Variants in GLYAT observed in about 807,000 individuals in gnomAD.
GLYAT encodes glycine N-acyltransferase.
A neutral mutation model predicts 22.8 loss-of-function variants in GLYAT; 25 were observed. The observed-to-expected ratio is 1.09, with a 90% CI of 0.80 to 1.53. The LOEUF is 1.53. GLYAT is among the 40% of genes most tolerant of loss of function. The probability of loss-of-function intolerance (pLI) is 0.00; values close to 1 mark genes in which losing one functional copy is unlikely to be tolerated. For missense variants in GLYAT, 411 were observed against 353.9 expected (o/e 1.16, Z -1.29); for synonymous variants, 140 against 122.7 (o/e 1.14, Z -0.93).
At chr11:58,716,066 A>G (rs1385589416) in intron 2 of GLYAT, among the ~76,000 whole-genome samples, 4 of 152,138 alleles carry the variant, frequency 2.6e-5, no homozygotes, top group African/African-American at 9.7e-5. Flanking sequence ...TGCTCAAGAG[A>G]ATAAGCTTGG....
At chr11:58,710,370 C>G (rs1856598695) in intron 5 of GLYAT, 1 of 882,482 alleles carries the variant, frequency 1.1e-6, no homozygotes. Flanking sequence ...AATAAAGGTC[C>G]AAGTGGTAGC....
rs1856574634 is a variant in GLYAT, at chr11:58,708,966, C to A, written c.*800G>T. The A allele has an allele frequency of 2.6e-5, 4 of 152,104 alleles. No individual in the cohort carries two copies. The allele number at this position is 152,104 out of a possible 1,614,324, so 9.4% of individuals were successfully genotyped here. ...TCTCTCCTCAATAAACCATCACATCCCTGGGTCAAGGTGCTCCCACCTTCA... is the reference window on the plus strand; with the variant it reads ...TCTCTCCTCAATAAACCATCACATCACTGGGTCAAGGTGCTCCCACCTTCA... On this transcript the variant is annotated 3_prime_UTR_variant, in exon 6 of 6. Coordinates refer to ENST00000344743, the MANE Select transcript of GLYAT (RefSeq NM_201648.3).
chr11:58,717,356 CA>C (rs1007200503), intron 2 of GLYAT, among the ~76,000 whole-genome samples: 1 of 151,894 alleles, frequency 6.6e-6, no homozygotes, highest in Non-Finnish European at 1.5e-5. Context: ...CAACAACAAA[CA>C]AAAGAACAAT....
intron 2 of GLYAT, among the ~76,000 whole-genome samples, chr11:58,717,372 G>A (rs1337925313): frequency 6.6e-6 from 1 of 151,952 alleles, no homozygotes; most frequent in Non-Finnish European, 1.5e-5. Context: ...AACAATCCTG[G>A]AAAAATAGAT....
chr11:58,715,966 T>C (rs1053759531), intron 2 of GLYAT, among the ~76,000 whole-genome samples: 2 of 152,154 alleles, frequency 1.3e-5, no homozygotes, highest in South Asian at 4.1e-4. Context: ...AAAGGCTATA[T>C]ACATGTTTAA....
rs982346948 is a variant in GLYAT at position 58,731,832 on chromosome 11, C to T, written c.-16+3G>A. 3.9e-5 allele frequency: 6 copies of T among 152,108 alleles called. No individual in the cohort carries two copies. Among genetic ancestry groups the T allele is most frequent in the African/African-American group, 1.2e-4 (5 of 41,420 alleles). 9.4% of individuals were successfully genotyped at this position (152,108 alleles called of 1,614,324 possible). On this transcript the variant is annotated splice_donor_region_variant and intron_variant, in intron 1 of 5. Coordinates refer to ENST00000344743, the MANE Select transcript of GLYAT (RefSeq NM_201648.3). The stretch of plus-strand genomic sequence containing the variant: ...TATCTGATACTTTGTAATGAGTCCT[C>T]ACCTGAAAAGCTAGTCTCTGCAGAT...
chr11:58,721,758 C>A (rs915460641), intron 2 of GLYAT, among the ~76,000 whole-genome samples: 6 of 151,904 alleles, frequency 3.9e-5, no homozygotes, highest in Non-Finnish European at 8.8e-5. Flanking sequence ...AAAAGGTGAC[C>A]TTATAATGTA....
intron 2 of GLYAT, among the ~76,000 whole-genome samples, chr11:58,716,393 C>T (rs970031475): frequency 6.6e-6 from 1 of 151,944 alleles, no homozygotes; most frequent in African/African-American, 2.4e-5. Context: ...CTGCCCCTAC[C>T]CCACATGAAA....
At chr11:58,721,368 A>G (rs1856747494) in intron 2 of GLYAT, among the ~76,000 whole-genome samples, 1 of 76,282 alleles carries the variant, frequency 1.3e-5, no homozygotes, top group African/African-American at 3.9e-5. Flanking sequence ...AAATAAAATT[A>G]AACTTCATTT....
At chr11:58,712,709 T>C (rs751602266) in intron 4 of GLYAT, 51 bp downstream of exon 4, 3 of 1,551,954 alleles carry the variant, frequency 1.9e-6, no homozygotes, top group Non-Finnish European at 2.7e-6. Flanking sequence ...ATATGAAAAC[T>C]TGCTCAGGAC....
At chr11:58,716,923 C>G (rs1197025946) in intron 2 of GLYAT, among the ~76,000 whole-genome samples, 1 of 152,072 alleles carries the variant, frequency 6.6e-6, no homozygotes, top group Admixed American at 6.6e-5. Context: ...CTTCTTGAAG[C>G]AAGGGCATGA....
Position 58,710,752 on chromosome 11 carries a change from G to A in GLYAT, c.326C>T (p.Pro109Leu). Residue 109 changes from proline to leucine, a missense_variant, in exon 5 of 6, where the codon CCT (proline) becomes CTT (leucine). Coordinates refer to ENST00000344743, the MANE Select transcript of GLYAT (RefSeq NM_201648.3). ...KQHLQIQSSQ[P>L]SLNEAIQNLA... Reference sequence around the variant, plus strand: ...ATTTTGTATAGCCTCATTCAGGCTAGGCTGTGAACCTAGACGGTATAATAA... The same window carrying A: ...ATTTTGTATAGCCTCATTCAGGCTAAGCTGTGAACCTAGACGGTATAATAA... 6.3e-7 allele frequency: 1 copy of A among 1,591,356 alleles called. No individual in the cohort carries two copies. The highest frequency in any genetic ancestry group is 8.6e-7 in the Non-Finnish European group (1 of 1,159,372).
chr11:58,711,156 T>C (rs928672892), intron 4 of GLYAT, among the ~76,000 whole-genome samples: 3 of 152,220 alleles, frequency 2.0e-5, no homozygotes, highest in African/African-American at 7.2e-5. Context: ...TCCTCTTCCT[T>C]ACTTGGAGAT....
In GLYAT at chr11:58,710,579, A is replaced by G. The variant is rs193302773; in HGVS notation, c.488+11T>C. ...GTGTGAGTGGTATAGACTGGATTTT[A>G]TCAAACTCACATGGCCTTGGGTTTG... On this transcript the variant is annotated intron_variant, in intron 5 of 5. Coordinates refer to ENST00000344743, the MANE Select transcript of GLYAT (RefSeq NM_201648.3). The G allele has an allele frequency of 4.4e-6, 7 of 1,585,926 alleles. No individual in the cohort carries two copies. In the East Asian group the frequency reaches 1.3e-4, roughly 30 times the overall value.
chr11:58,723,322 T>C (rs667445), intron 2 of GLYAT, among the ~76,000 whole-genome samples: 111,015 of 151,906 alleles, frequency 0.73, 41,235 homozygotes, highest in Middle Eastern at 0.88. Context: ...AAATATTAGG[T>C]AATTTTGATT....
At chr11:58,715,276 TAATATA>T in intron 3 of GLYAT, 34 bp downstream of exon 3, 1 of 886,922 alleles carries the variant, frequency 1.1e-6, no homozygotes, top group Non-Finnish European at 1.9e-6. Context: ...GGCACACAGC[TAATATA>T]AATATAGAAG....
chr11:58,716,187 C>A (rs1459725546), intron 2 of GLYAT, among the ~76,000 whole-genome samples: 3 of 151,998 alleles, frequency 2.0e-5, no homozygotes, highest in African/African-American at 4.8e-5. Context: ...TGAGAGTAAA[C>A]CCCACAGACA....
intron 4 of GLYAT, among the ~76,000 whole-genome samples, chr11:58,712,129 A>G (rs1590666873): frequency 6.6e-6 from 1 of 152,222 alleles, no homozygotes; most frequent in Admixed American, 6.5e-5. Flanking sequence ...GCTCAGCCCA[A>G]ATGGTTGATT....
chr11:58,720,565 C>A (rs542079364), intron 2 of GLYAT, among the ~76,000 whole-genome samples: 2 of 152,014 alleles, frequency 1.3e-5, no homozygotes, highest in Non-Finnish European at 2.9e-5. Flanking sequence ...TATAGTTTAG[C>A]TTTGAAACAA....
Sources: gnomAD v4.1 joint callset for allele counts (sites outside exome capture counted in the v4.1 genomes callset) on GRCh38, gnomAD v4.1.1 for gene constraint, MANE v1.5 for transcripts, NCBI Gene and HGNC (gene_info 2026-07-23, HGNC 2026-07-21) for gene names.